RASSF6: variants seen among roughly 807,000 people sequenced by gnomAD.
RASSF6 encodes Ras association domain family member 6, also known as ras association domain-containing protein 6.
A neutral mutation model predicts 44.0 loss-of-function variants in RASSF6; 52 were observed. The ratio of observed to expected loss-of-function variants is 1.18; its 90% CI spans 0.95 to 1.49. The LOEUF (loss-of-function observed/expected upper bound fraction) is 1.49, where lower values mean the gene tolerates loss of function less well. RASSF6 is among the 40% of genes most tolerant of loss of function. RASSF6 has a pLI of 0.00. For synonymous variants in RASSF6, 162 were observed against 124.6 expected (o/e 1.30, Z -2.00); for missense variants, 464 against 393.3 (o/e 1.18, Z -1.52).
intron 7 of RASSF6, 124 bp downstream of exon 7, chr4:73,582,065 T>G: frequency 1.5e-6 from 1 of 655,662 alleles, no homozygotes; most frequent in South Asian, 2.4e-5. Flanking sequence ...GAAAGAATCT[T>G]TCAGTGCTCA....
intron 2 of RASSF6, among the ~76,000 whole-genome samples, chr4:73,603,474 G>A (rs113331317): frequency 6.6e-6 from 1 of 152,134 alleles, no homozygotes; most frequent in East Asian, 1.9e-4. Context: ...TGACCTTGGT[G>A]GGGGGCAGGT....
chr4:73,589,382 G>T (rs959549527), intron 4 of RASSF6, among the ~76,000 whole-genome samples: 1 of 151,994 alleles, frequency 6.6e-6, no homozygotes, highest in Non-Finnish European at 1.5e-5. Context: ...ATCGTAGAAG[G>T]GGGGTTAGGA....
chr4:73,618,797 T>C lies in RASSF6; in HGVS notation c.-35+1491A>G, dbSNP rs566629996. 4.6e-5 allele frequency among the ~76,000 whole-genome samples: 7 copies of C among 152,280 alleles called. No homozygotes were observed. The South Asian group carries it at 1.2e-3, about 27-fold the overall frequency. Reference sequence around the variant, plus strand: ...TATTAAGTTAGAGTATACTGCAAACTCTTTGACTGCTTTATTTAATAAAAT... The same window carrying C: ...TATTAAGTTAGAGTATACTGCAAACCCTTTGACTGCTTTATTTAATAAAAT... On this transcript the variant is annotated intron_variant, in intron 1 of 10. Coordinates refer to ENST00000307439, the MANE Select transcript of RASSF6 (RefSeq NM_177532.5).
chr4:73,586,458 T>C (rs1724103213), intron 5 of RASSF6, among the ~76,000 whole-genome samples: 1 of 152,036 alleles, frequency 6.6e-6, no homozygotes, highest in South Asian at 2.1e-4. Context: ...TACAATGTGT[T>C]ACTAGCCTAA....
chr4:73,605,963 G>A (rs1230094016), intron 2 of RASSF6, among the ~76,000 whole-genome samples: 2 of 152,134 alleles, frequency 1.3e-5, no homozygotes, highest in Admixed American at 1.3e-4. Flanking sequence ...TACACTGTTG[G>A]TGGGAATGTA....
At chr4:73,604,884 C>CTTTTTTTTTTTTTTTTTTTTTTT (rs35609056) in intron 2 of RASSF6, among the ~76,000 whole-genome samples, 1 of 138,332 alleles carries the variant, frequency 7.2e-6, no homozygotes. Context: ...CATTTTCTTT[C>CTTTTTTTTTTTTTTTTTTTTTTT]TTTTTTTTTT....
At chr4:73,593,724 T>C in intron 3 of RASSF6, 131 bp from the exon 4 acceptor site, 1 of 876,640 alleles carries the variant, frequency 1.1e-6, no homozygotes, top group South Asian at 1.6e-5. Context: ...GGGTTGTTGT[T>C]TGGCTTTCCA....
At chr4:73,610,785 T>C (rs1725955088) in intron 2 of RASSF6, among the ~76,000 whole-genome samples, 2 of 152,216 alleles carry the variant, frequency 1.3e-5, no homozygotes, top group South Asian at 2.1e-4. Flanking sequence ...ATTTATCTTA[T>C]GTATTGACTG....
At position 73,576,130 on chromosome 4, in the gene RASSF6, A is replaced by G; in HGVS notation, c.*105T>C. On this transcript the variant is annotated 3_prime_UTR_variant, in exon 11 of 11. Transcript: ENST00000307439. ...TTGACATTCAATTTTCTACGATTCAAGTCTCATATATGTTCGTATAAATGC... is the reference window on the plus strand; with the variant it reads ...TTGACATTCAATTTTCTACGATTCAGGTCTCATATATGTTCGTATAAATGC... 1.7e-6 allele frequency: 1 copy of G among 600,028 alleles called. No homozygotes were observed. Among genetic ancestry groups the G allele is most frequent in the South Asian group, 2.8e-5 (1 of 35,964 alleles). 37.2% of individuals were successfully genotyped at this position (600,028 alleles called of 1,614,324 possible). A position where few individuals can be genotyped will look rare whatever the true frequency, so the allele number is the denominator to read the frequency against.
At chr4:73,582,406 A>T (rs1723735866) in intron 6 of RASSF6, 116 bp from the exon 7 acceptor site, 1 of 469,010 alleles carries the variant, frequency 2.1e-6, no homozygotes, top group Non-Finnish European at 3.7e-6. Context: ...AATTTAAAAA[A>T]TTTGTTTTGT....
chr4:73,586,100 G>A (rs1240766132), intron 5 of RASSF6, among the ~76,000 whole-genome samples: 1 of 148,416 alleles, frequency 6.7e-6, no homozygotes, highest in African/African-American at 2.5e-5. Flanking sequence ...CTATTTATAT[G>A]GTATGTGGAG....
intron 2 of RASSF6, among the ~76,000 whole-genome samples, chr4:73,609,806 C>T (rs1442605764): frequency 1.3e-5 from 2 of 152,132 alleles, no homozygotes; most frequent in African/African-American, 4.8e-5. Flanking sequence ...GTTATAATTT[C>T]TGGTGACAGC....
At position 73,597,991 on chromosome 4, in the gene RASSF6, G is replaced by A. The variant is rs1262544223; in HGVS notation, c.144+649C>T. Among the ~76,000 whole-genome samples, 3 of 152,148 alleles carry A rather than the reference G, an allele frequency of 2.0e-5. No individual in the cohort carries two copies. In the East Asian group the frequency reaches 5.8e-4, roughly 29 times the overall value. On this transcript the variant is annotated intron_variant, in intron 3 of 10. Coordinates refer to ENST00000307439, the MANE Select transcript of RASSF6 (RefSeq NM_177532.5). ...AGGGTGGAATTTGGGAGGAGGGATA[G>A]GACCAGGAAAAATAACTAATGAGTA...
At chr4:73,616,213 A>ATATATC (rs1192230653) in intron 1 of RASSF6, among the ~76,000 whole-genome samples, 44 of 149,154 alleles carry the variant, frequency 2.9e-4, no homozygotes, top group Middle Eastern at 6.9e-3. Context: ...ATATATATAC[A>ATATATC]TATATCTATA....
At chr4:73,582,410 G>C (rs1028265424) in intron 6 of RASSF6, 120 bp from the exon 7 acceptor site, 1 of 463,148 alleles carries the variant, frequency 2.2e-6, no homozygotes, top group Non-Finnish European at 3.8e-6. Flanking sequence ...TAAAAAATTT[G>C]TTTTGTTTTT....
chr4:73,582,400 TA>T, intron 6 of RASSF6, 110 bp from the exon 7 acceptor site: 1 of 480,158 alleles, frequency 2.1e-6, no homozygotes, highest in Non-Finnish European at 3.6e-6. Context: ...GTCATTAATT[TA>T]AAAAATTTGT....
At chr4:73,603,768 G>A in intron 2 of RASSF6, among the ~76,000 whole-genome samples, 1 of 152,216 alleles carries the variant, frequency 6.6e-6, no homozygotes, top group Non-Finnish European at 1.5e-5. Flanking sequence ...ATACATGAAT[G>A]TGGGATAGGA....
rs573336595 is a variant in RASSF6, at chr4:73,574,535, T to A, written c.*1700A>T. 14 of 152,316 alleles carry A rather than the reference T, an allele frequency of 9.2e-5. No individual in the cohort carries two copies. The highest frequency in any genetic ancestry group is 9.1e-4 in the Admixed American group (14 of 15,304). 9.4% of individuals were successfully genotyped at this position (152,316 alleles called of 1,614,324 possible). On this transcript the variant is annotated 3_prime_UTR_variant, in exon 11 of 11. Transcript: ENST00000307439. ...AAACCCTCATTCCTGCCTTTCCTTG[T>A]TAGGATTCTTTCCCTCAGCCTTAGG... is the stretch of plus-strand genomic sequence containing the variant.
intron 8 of RASSF6, among the ~76,000 whole-genome samples, chr4:73,580,529 T>C (rs1483012223): frequency 2.8e-4 from 42 of 149,988 alleles, no homozygotes; most frequent in East Asian, 2.0e-4. Flanking sequence ...TCCTCTCCAG[T>C]ACCTGTTGTT....
Sources: gnomAD v4.1 joint callset for allele counts (sites outside exome capture counted in the v4.1 genomes callset) on GRCh38, gnomAD v4.1.1 for gene constraint, MANE v1.5 for transcripts, NCBI Gene and HGNC (gene_info 2026-07-23, HGNC 2026-07-21) for gene names.